CHERP: variants seen among roughly 807,000 people sequenced by gnomAD.
CHERP encodes calcium homeostasis endoplasmic reticulum protein.
In CHERP, 8 loss-of-function variants were observed where a neutral mutation model predicts 113.8. The observed-to-expected ratio is 0.07, with a 90% CI of 0.04 to 0.13. CHERP has a LOEUF of 0.13. Among genes scored for constraint, CHERP ranks in the 10% least tolerant of loss-of-function variants. The pLI is 1.00. For synonymous variants in CHERP, 559 were observed against 524.5 expected, an observed-to-expected ratio of 1.07 and a Z score of -0.90; for missense variants, 884 against 1,298.2, an observed-to-expected ratio of 0.68 and a Z score of 4.90.
rs778252962 is a variant in CHERP, at chr19:16,520,217, C to T, written c.2394G>A (p.Ser798=). The part of the protein sequence containing the change: ...RSSRSRSRSQ[S]RSRSKSYSPG... ...GGGAGTACGACTTGGACCGGGACCGCGACTGGGACCGGGAGCGGCTTCTGG... is the reference window on the plus strand; with the variant it reads ...GGGAGTACGACTTGGACCGGGACCGTGACTGGGACCGGGAGCGGCTTCTGG... The change falls in exon 15 of 17, where the codon TCG becomes TCA. Residue 798 remains serine (S), a synonymous_variant. Coordinates refer to ENST00000546361, the MANE Select transcript of CHERP (RefSeq NM_006387.6). The surrounding 1 kb of genome is among the most constrained non-coding windows in gnomAD (Gnocchi z 4.0). The T allele has an allele frequency of 3.7e-5, 60 of 1,613,274 alleles. No homozygotes were observed. Among genetic ancestry groups the T allele is most frequent in the Non-Finnish European group, 4.8e-5 (57 of 1,180,030 alleles).
intron 9 of CHERP, among the ~76,000 whole-genome samples, chr19:16,526,571 G>A (rs2085659025): frequency 6.6e-6 from 1 of 151,868 alleles, no homozygotes; most frequent in African/African-American, 2.4e-5. Flanking sequence ...GGGTTCAGGT[G>A]ATTCTCCTGC....
intron 2 of CHERP, chr19:16,541,615 T>G (rs964828305): frequency 6.9e-6 from 3 of 436,946 alleles, no homozygotes; most frequent in African/African-American, 6.1e-5. Context: ...GTCATCAGTC[T>G]GCAAAACAAC....
chr19:16,519,475 G>A lies in CHERP; in HGVS notation c.2558-123C>T, dbSNP rs1599744108. The A allele has an allele frequency of 7.9e-6, 10 of 1,272,204 alleles. No homozygotes were observed. Among genetic ancestry groups the A allele is most frequent in the South Asian group, 1.3e-5 (1 of 75,314 alleles). 78.8% of individuals were successfully genotyped at this position (1,272,204 alleles called of 1,614,324 possible). ...AATGGGTAGAGAGAACCCGCAGGCCGGCCCTGTCTAGAGGGTCTGGGTGGA... is the reference window on the plus strand; with the variant it reads ...AATGGGTAGAGAGAACCCGCAGGCCAGCCCTGTCTAGAGGGTCTGGGTGGA... On this transcript the variant is annotated intron_variant, in intron 16 of 16. Coordinates refer to ENST00000546361, the MANE Select transcript of CHERP (RefSeq NM_006387.6). This position sits in a 1 kb window ranked among gnomAD's most constrained non-coding sequence, Gnocchi z 6.0.
intron 2 of CHERP, among the ~76,000 whole-genome samples, chr19:16,537,556 C>T (rs1412372334): frequency 6.6e-6 from 1 of 152,126 alleles, no homozygotes; most frequent in African/African-American, 2.4e-5. Flanking sequence ...CCCTCCTGTG[C>T]TCCCCGCACC....
In CHERP at chr19:16,518,491, A is replaced by AG. The variant is rs1183147941; in HGVS notation, c.*667dup. On this transcript the variant is annotated 3_prime_UTR_variant, in exon 17 of 17. Transcript: ENST00000546361. ...TTATACAACTAAAATAACTGAACTA[A>AG]GGGCCAGTACGCCTTCGAAGAATTA... 6.6e-6 allele frequency: 1 copy of AG among 152,228 alleles called. No homozygotes were observed. The highest frequency in any genetic ancestry group is 1.5e-5 in the Non-Finnish European group (1 of 68,058). 9.4% of individuals were successfully genotyped at this position (152,228 alleles called of 1,614,324 possible). A position where few individuals can be genotyped will look rare whatever the true frequency, so the allele number is the denominator to read the frequency against.
At chr19:16,542,084 A>C in intron 1 of CHERP, 41 bp from the exon 2 acceptor site, 1 of 1,582,704 alleles carries the variant, frequency 6.3e-7, no homozygotes, top group Middle Eastern at 2.2e-4. Context: ...GTCAGCGAGG[A>C]CCGCCCAAAG....
rs1599747195 is a variant in CHERP at position 16,523,121 on chromosome 19, A to G, written c.1911T>C (p.Asp637=). The part of the protein sequence containing the change: ...RRQGPPHINH[D]DPSLVPNVPY... ...GCACATTGGGGACCAGGCTGGGGTC[A>G]TCGTGGTTGATGTGGGGTGGGCCCT... The change falls in exon 11 of 17, where the codon GAT becomes GAC. Residue 637 remains aspartate, a synonymous_variant. Transcript: ENST00000546361. The surrounding 1 kb of genome is among the most constrained non-coding windows in gnomAD (Gnocchi z 4.0). 2 of 1,547,732 alleles carry G rather than the reference A, an allele frequency of 1.3e-6. No individual in the cohort carries two copies. Among genetic ancestry groups the G allele is most frequent in the Admixed American group, 2.1e-5 (1 of 48,022 alleles).
Position 16,530,766 on chromosome 19 carries a change from C to A in CHERP, c.786+3G>T, listed in dbSNP as rs756974047. 1.2e-5 allele frequency: 19 copies of A among 1,613,858 alleles called. No homozygotes were observed. Among genetic ancestry groups the A allele is most frequent in the Non-Finnish European group, 1.5e-5 (18 of 1,179,998 alleles). ...CCCAACCCCCGGCCCGGGGCCCACG[C>A]ACCCGGGCGATCTTCTGCTGCTTGT... On this transcript the variant is annotated splice_donor_region_variant and intron_variant, in intron 6 of 16. Transcript: ENST00000546361. This position sits in a 1 kb window ranked among gnomAD's most constrained non-coding sequence, Gnocchi z 4.1.
At position 16,525,439 on chromosome 19, in the gene CHERP, C is replaced by T; in HGVS notation, c.1544G>A (p.Arg515His). Residue 515 changes from arginine (R) to histidine (H), a missense_variant, in exon 10 of 17, where the codon CGC (arginine) becomes CAC (histidine). Around this residue, in one of 8 missense-constraint regions of CHERP, gnomAD observed 464 missense variants for 590.1 expected, o/e 0.79. Coordinates refer to ENST00000546361, the MANE Select transcript of CHERP (RefSeq NM_006387.6). The surrounding 1 kb of genome is among the most constrained non-coding windows in gnomAD (Gnocchi z 6.5). The stretch of plus-strand genomic sequence containing the variant: ...CCGGAAGTGTGGGGGCCGCTGCATG[C>T]GGAAGGGTGGCTCGCGCTGGCCCCC... ...WGGGQREPPFRMQRPPHFRGP... is the reference protein window; with the variant it reads ...WGGGQREPPFHMQRPPHFRGP... 2 of 1,538,474 alleles carry T rather than the reference C, an allele frequency of 1.3e-6. No homozygotes were observed. The highest frequency in any genetic ancestry group is 1.8e-6 in the Non-Finnish European group (2 of 1,141,634).
intron 2 of CHERP, chr19:16,541,663 G>A (rs948524606): frequency 1.9e-5 from 10 of 513,632 alleles, no homozygotes; most frequent in East Asian, 6.6e-5. Flanking sequence ...GGGGAGGATC[G>A]AAAACCTCGT....
chr19:16,523,416 T>C lies in CHERP; in HGVS notation c.1742-126A>G. The C allele has an allele frequency of 9.2e-7, 1 of 1,090,264 alleles. No individual in the cohort carries two copies. Among genetic ancestry groups the C allele is most frequent in the Non-Finnish European group, 1.3e-6 (1 of 752,962 alleles). The allele number at this position is 1,090,264 out of a possible 1,614,324, so 67.5% of individuals were successfully genotyped here. A position where few individuals can be genotyped will look rare whatever the true frequency, so the allele number is the denominator to read the frequency against. ...CCCTCCTGGGAGCCTGTCCAGCATC[T>C]TCTCTCACTGCTTAAGACCAGGCAG... On this transcript the variant is annotated intron_variant, in intron 10 of 16. Coordinates refer to ENST00000546361, the MANE Select transcript of CHERP (RefSeq NM_006387.6). The surrounding 1 kb of genome is among the most constrained non-coding windows in gnomAD (Gnocchi z 4.0).
At position 16,535,419 on chromosome 19, in the gene CHERP, TG is replaced by T; in HGVS notation, c.384+32del. ...AAAAACAGAGGCACAGGGGAGCTGC[TG>T]GTGTCTGGCCGAGGAGGCGGCGGGC... On this transcript the variant is annotated intron_variant, in intron 3 of 16. Coordinates refer to ENST00000546361, the MANE Select transcript of CHERP (RefSeq NM_006387.6). The surrounding 1 kb of genome is among the most constrained non-coding windows in gnomAD (Gnocchi z 4.3). 1 of 1,595,970 alleles carries T rather than the reference TG, an allele frequency of 6.3e-7. No individual in the cohort carries two copies. The highest frequency in any genetic ancestry group is 8.5e-7 in the Non-Finnish European group (1 of 1,172,056).
chr19:16,539,321 G>A (rs926032758), intron 2 of CHERP, among the ~76,000 whole-genome samples: 4 of 151,742 alleles, frequency 2.6e-5, no homozygotes, highest in African/African-American at 7.3e-5. Flanking sequence ...CTAATTTTTT[G>A]TATTTTTAGT....
In CHERP at chr19:16,532,426, G is replaced by A. The variant is rs12461824; in HGVS notation, c.674+172C>T. 1.3e-6 allele frequency: 1 copy of A among 753,706 alleles called. No homozygotes were observed. Among genetic ancestry groups the A allele is most frequent in the African/African-American group, 1.8e-5 (1 of 56,836 alleles). The allele number at this position is 753,706 out of a possible 1,614,324, so 46.7% of individuals were successfully genotyped here. ...AGGACACCTAGACCTCGCAGTCCTGGAGACAGAAGCCTGGTGGCTCACAGA... is the reference window on the plus strand; with the variant it reads ...AGGACACCTAGACCTCGCAGTCCTGAAGACAGAAGCCTGGTGGCTCACAGA... On this transcript the variant is annotated intron_variant, in intron 5 of 16. Coordinates refer to ENST00000546361, the MANE Select transcript of CHERP (RefSeq NM_006387.6). The surrounding 1 kb of genome is among the most constrained non-coding windows in gnomAD (Gnocchi z 4.4).
At position 16,530,857 on chromosome 19, in the gene CHERP, A is replaced by G; in HGVS notation, c.698T>C (p.Leu233Pro). Residue 233 changes from leucine to proline, a missense_variant, in exon 6 of 17, where the codon CTG becomes CCG. Physicochemically the swap from Leu to Pro is moderately conservative, Grantham distance 98 (BLOSUM62 -3). Transcript: ENST00000546361. This position sits in a 1 kb window ranked among gnomAD's most constrained non-coding sequence, Gnocchi z 4.1. Reference protein sequence around the residue: ...HHCQRKQARELLAALQKVVVP... With the variant: ...HHCQRKQAREPLAALQKVVVP... ...CACGACCTTCTGCAGGGCGGCCAGC[A>G]GCTCCCGGGCCTGCTTGCGCTGGCT... 6.2e-7 allele frequency: 1 copy of G among 1,613,630 alleles called. No individual in the cohort carries two copies. Among genetic ancestry groups the G allele is most frequent in the Non-Finnish European group, 8.5e-7 (1 of 1,179,946 alleles).
intron 9 of CHERP, among the ~76,000 whole-genome samples, chr19:16,527,524 G>C (rs536781342): frequency 6.6e-6 from 1 of 152,312 alleles, no homozygotes; most frequent in East Asian, 1.9e-4. Context: ...TGGAAGACCC[G>C]GGGCTGTGCC....
At chr19:16,539,296 C>T (rs1468715693) in intron 2 of CHERP, among the ~76,000 whole-genome samples, 4 of 151,850 alleles carry the variant, frequency 2.6e-5, no homozygotes, top group Non-Finnish European at 4.4e-5. Flanking sequence ...TACAGGCGCC[C>T]GCTACCACGC....
At chr19:16,529,359 T>C (rs2122265267) in intron 8 of CHERP, among the ~76,000 whole-genome samples, 1 of 152,342 alleles carries the variant, frequency 6.6e-6, no homozygotes, top group African/African-American at 2.4e-5. Flanking sequence ...CTGCCTGATG[T>C]AATAGTTACC....
chr19:16,541,777 G>A, intron 2 of CHERP, 93 bp downstream of exon 2: 2 of 1,330,924 alleles, frequency 1.5e-6, no homozygotes, highest in Non-Finnish European at 2.1e-6. Flanking sequence ...AAGAATAAAC[G>A]ACCCGAAAGA....
Sources: allele counts gnomAD v4.1 joint callset (sites outside exome capture counted in the v4.1 genomes callset), GRCh38; gene constraint gnomAD v4.1.1; regional missense constraint gnomAD v4.1.1; non-coding constraint Gnocchi (gnomAD v3.1); transcripts MANE v1.5; gene names NCBI Gene and HGNC (gene_info 2026-07-23, HGNC 2026-07-21).